KLHL29: variants seen among roughly 807,000 people sequenced by gnomAD.
KLHL29 encodes kelch-like protein 29.
KLHL29 carries 21 observed loss-of-function variants against 80.4 expected under a neutral mutation model. The observed-to-expected ratio is 0.26, with a 90% CI of 0.19 to 0.38. The LOEUF (loss-of-function observed/expected upper bound fraction) is 0.38. Ranked by LOEUF, KLHL29 falls within the 10% of genes least tolerant of loss-of-function variation. The probability of loss-of-function intolerance (pLI) is 1.00; values close to 1 mark genes in which losing one functional copy is unlikely to be tolerated. For synonymous variants in KLHL29, 511 were observed against 526.8 expected (o/e 0.97, Z 0.41); for missense variants, 867 against 1,223.9 (o/e 0.71, Z 4.35).
At chr2:23,461,558 G>A (rs1664210741) in intron 1 of KLHL29, among the ~76,000 whole-genome samples, 1 of 152,148 alleles carries the variant, frequency 6.6e-6, no homozygotes, top group Non-Finnish European at 1.5e-5. Context: ...AGAAACACTT[G>A]AGTGAATTGT....
chr2:23,706,541 C>T lies in KLHL29; in HGVS notation c.2505C>T (p.Pro835=), dbSNP rs374084214. The part of the protein sequence containing the change: ...ATGGIVSSEG[P]ALGNMEAYEP... ...GAGGTATTGTCAGCAGTGAAGGGCC[C>T]GCGCTGGGCAACATGGAGGCCTACG... The change falls in exon 14 of 14, where the codon CCC becomes CCT. Residue 835 remains proline (P), a synonymous_variant. Transcript: ENST00000486442. The T allele has an allele frequency of 4.0e-5, 62 of 1,536,826 alleles. No homozygotes were observed. The highest frequency in any genetic ancestry group is 1.7e-4 in the Middle Eastern group (1 of 6,010).
intron 1 of KLHL29, among the ~76,000 whole-genome samples, chr2:23,402,498 C>T (rs1290309392): frequency 5.3e-5 from 8 of 152,136 alleles, no homozygotes; most frequent in Non-Finnish European, 8.8e-5. Flanking sequence ...CCATGCAATC[C>T]GAGTCCCAGC....
intron 2 of KLHL29, among the ~76,000 whole-genome samples, chr2:23,550,632 T>C (rs1667100229): frequency 6.6e-6 from 1 of 152,232 alleles, no homozygotes; most frequent in Non-Finnish European, 1.5e-5. Context: ...CTGCCGGCCA[T>C]GTGACAGCCG....
intron 5 of KLHL29, among the ~76,000 whole-genome samples, chr2:23,677,536 A>C (rs961030808): frequency 6.6e-6 from 1 of 152,324 alleles, no homozygotes; most frequent in Admixed American, 6.5e-5. Flanking sequence ...TGCCGCCCGC[A>C]GGTGGTTTCA....
At chr2:23,567,144 C>T (rs1667607833) in intron 3 of KLHL29, among the ~76,000 whole-genome samples, 1 of 152,192 alleles carries the variant, frequency 6.6e-6, no homozygotes, top group Admixed American at 6.5e-5. Flanking sequence ...AAGGGAAGCC[C>T]CAGTGCCCCA....
chr2:23,507,465 G>A (rs573126056), intron 2 of KLHL29, among the ~76,000 whole-genome samples: 5 of 152,328 alleles, frequency 3.3e-5, no homozygotes, highest in African/African-American at 1.2e-4. Flanking sequence ...CTCTCCTGCT[G>A]CCTGTCCTTA....
chr2:23,443,237 T>G (rs1207331368), intron 1 of KLHL29, among the ~76,000 whole-genome samples: 1 of 152,236 alleles, frequency 6.6e-6, no homozygotes, highest in Non-Finnish European at 1.5e-5. Flanking sequence ...TTTGAAAGTT[T>G]CAGACATCAA....
At chr2:23,511,107 T>C (rs924924168) in intron 2 of KLHL29, among the ~76,000 whole-genome samples, 2 of 152,130 alleles carry the variant, frequency 1.3e-5, no homozygotes, top group Non-Finnish European at 2.9e-5. Context: ...CAGGGTTGCT[T>C]CCTTCTGAGG....
chr2:23,670,691 A>C (rs980297990), intron 5 of KLHL29, among the ~76,000 whole-genome samples: 11 of 152,134 alleles, frequency 7.2e-5, no homozygotes, highest in African/African-American at 2.7e-4. Context: ...TAATTTTAAA[A>C]GATCGTTAGA....
chr2:23,387,396 C>G (rs900786012), intron 1 of KLHL29, among the ~76,000 whole-genome samples: 1 of 152,206 alleles, frequency 6.6e-6, no homozygotes, highest in Non-Finnish European at 1.5e-5. Context: ...TACAGAGTTT[C>G]TTCCTCGCCG....
At chr2:23,420,642 A>G (rs940479959) in intron 1 of KLHL29, among the ~76,000 whole-genome samples, 2 of 152,208 alleles carry the variant, frequency 1.3e-5, no homozygotes, top group African/African-American at 4.8e-5. Context: ...AGCTTAGCTA[A>G]CTGCCCCTGC....
At chr2:23,489,658 A>G (rs1268151176) in intron 2 of KLHL29, among the ~76,000 whole-genome samples, 6 of 151,930 alleles carry the variant, frequency 3.9e-5, no homozygotes, top group African/African-American at 9.7e-5. Flanking sequence ...GGATGGGGGC[A>G]TGGTGGTGGC....
At chr2:23,676,908 A>G (rs1670938377) in intron 5 of KLHL29, among the ~76,000 whole-genome samples, 1 of 152,226 alleles carries the variant, frequency 6.6e-6, no homozygotes, top group Admixed American at 6.5e-5. Flanking sequence ...CCCTAGGTGA[A>G]GAAAGAGCCC....
At chr2:23,521,666 A>G (rs1346789642) in intron 2 of KLHL29, among the ~76,000 whole-genome samples, 8 of 152,198 alleles carry the variant, frequency 5.3e-5, no homozygotes, top group African/African-American at 1.9e-4. Context: ...CCCCATAGCT[A>G]AGAGTAGTAA....
At chr2:23,392,752 C>A (rs1463991699) in intron 1 of KLHL29, among the ~76,000 whole-genome samples, 1 of 152,202 alleles carries the variant, frequency 6.6e-6, no homozygotes, top group Non-Finnish European at 1.5e-5. Flanking sequence ...CACCCCTATT[C>A]GTGTGTGCAC....
intron 3 of KLHL29, among the ~76,000 whole-genome samples, chr2:23,610,792 G>A (rs1015466195): frequency 2.6e-5 from 4 of 152,170 alleles, no homozygotes; most frequent in African/African-American, 7.2e-5. Context: ...GACCTCACTC[G>A]CCCCTGCAAA....
At chr2:23,705,479 T>A (rs965531968) in intron 13 of KLHL29, among the ~76,000 whole-genome samples, 12 of 150,842 alleles carry the variant, frequency 8.0e-5, no homozygotes, top group African/African-American at 2.9e-4. Context: ...TGACAGAGTA[T>A]GACTCCGTCT....
chr2:23,595,796 T>G (rs1668380091), intron 3 of KLHL29, among the ~76,000 whole-genome samples: 1 of 152,076 alleles, frequency 6.6e-6, no homozygotes, highest in Non-Finnish European at 1.5e-5. Context: ...CTCCATCCCT[T>G]CCCATGCTGT....
chr2:23,635,806 A>G (rs1669592822), intron 3 of KLHL29, among the ~76,000 whole-genome samples: 1 of 152,226 alleles, frequency 6.6e-6, no homozygotes, highest in Non-Finnish European at 1.5e-5. Context: ...AAACATGGCC[A>G]GGAACACTGG....
Sources: gnomAD v4.1 joint callset for allele counts (sites outside exome capture counted in the v4.1 genomes callset) on GRCh38, gnomAD v4.1.1 for gene constraint, MANE v1.5 for transcripts, NCBI Gene and HGNC (gene_info 2026-07-23, HGNC 2026-07-21) for gene names.